The following REPS2 variants were observed in gnomAD, a reference collection of about 807,000 sequenced individuals.
REPS2 encodes the protein ralBP1-associated Eps domain-containing protein 2.
A neutral mutation model predicts 53.6 loss-of-function variants in REPS2; 23 were observed. The ratio of observed to expected loss-of-function variants is 0.43; its 90% CI spans 0.31 to 0.61. The LOEUF (loss-of-function observed/expected upper bound fraction) is 0.61, where lower values mean the gene tolerates loss of function less well. Ranked by LOEUF, REPS2 falls within the 20% of genes least tolerant of loss-of-function variation. The probability of loss-of-function intolerance (pLI) is 0.11; values close to 1 mark genes in which losing one functional copy is unlikely to be tolerated. For synonymous variants in REPS2, 238 were observed against 218.6 expected, an observed-to-expected ratio of 1.09 and a Z score of -0.78; for missense variants, 446 against 534.9, an observed-to-expected ratio of 0.83 and a Z score of 1.64.
chrX:17,016,032 T>C (rs770948690), intron 2 of REPS2, among the ~76,000 whole-genome samples: 1 of 111,732 alleles, frequency 8.9e-6, no homozygotes, highest in African/African-American at 3.3e-5. Flanking sequence ...CCACCAACAG[T>C]GTAAAAGTGT....
At chrX:17,081,040 TG>T (rs1245452492) in intron 13 of REPS2, among the ~76,000 whole-genome samples, 33 of 110,872 alleles carry the variant, frequency 3.0e-4, no homozygotes, top group Non-Finnish European at 9.4e-5. Flanking sequence ...ACAGACTGCC[TG>T]GGTCACCCTG....
At chrX:17,085,285 G>A (rs1055537839) in intron 13 of REPS2, among the ~76,000 whole-genome samples, 7 of 112,135 alleles carry the variant, frequency 6.2e-5, no homozygotes, top group African/African-American at 2.3e-4. Context: ...TAGATTTATA[G>A]TAAGTTTTGA....
At chrX:16,964,638 G>A (rs1187079421) in intron 1 of REPS2, among the ~76,000 whole-genome samples, 2 of 107,247 alleles carry the variant, frequency 1.9e-5, no homozygotes, top group Admixed American at 1.9e-4. Context: ...TCCCGGACGG[G>A]GCGGCTGGCC....
intron 1 of REPS2, among the ~76,000 whole-genome samples, chrX:16,974,667 A>G (rs920746735): frequency 9.0e-6 from 1 of 110,518 alleles, no homozygotes; most frequent in Non-Finnish European, 1.9e-5. Context: ...GGAACGTACC[A>G]AATTTGGGTT....
At chrX:17,004,439 A>G (rs1052602448) in intron 1 of REPS2, among the ~76,000 whole-genome samples, 2 of 104,057 alleles carry the variant, frequency 1.9e-5, no homozygotes, top group African/African-American at 7.1e-5. Context: ...TTGATTCAGA[A>G]GTCCATGTGT....
At chrX:17,077,517 T>G in intron 13 of REPS2, 110 bp downstream of exon 13, 2 of 815,024 alleles carry the variant, frequency 2.5e-6, no homozygotes. Context: ...CCTGGCAGTT[T>G]CGCATTCCGT....
intron 13 of REPS2, among the ~76,000 whole-genome samples, chrX:17,080,265 C>T (rs1325718081): frequency 9.4e-6 from 1 of 106,565 alleles, no homozygotes; most frequent in East Asian, 2.9e-4. Flanking sequence ...CACCACCCCA[C>T]GACCCCAGCC....
intron 1 of REPS2, among the ~76,000 whole-genome samples, chrX:16,984,440 C>T (rs187114103): frequency 2.7e-5 from 3 of 111,958 alleles, no homozygotes; most frequent in Non-Finnish European, 5.6e-5. Flanking sequence ...TTCTATTGGT[C>T]ACATACACAA....
intron 8 of REPS2, among the ~76,000 whole-genome samples, chrX:17,061,261 G>C (rs779790246): frequency 1.8e-5 from 2 of 112,158 alleles, no homozygotes; most frequent in Non-Finnish European, 3.8e-5. Flanking sequence ...ATGTATGCAT[G>C]TATGTATTTA....
rs546449224 is a variant in REPS2 at position 16,955,446 on chromosome X, G to T, written c.273+8312G>T. 5.4e-5 allele frequency among the ~76,000 whole-genome samples: 6 copies of T among 111,865 alleles called. No homozygotes were observed. In the South Asian group the frequency reaches 2.2e-3, roughly 42 times the overall value. On this transcript the variant is annotated intron_variant, in intron 1 of 17. Coordinates refer to ENST00000357277, the MANE Select transcript of REPS2 (RefSeq NM_004726.3). Reference sequence around the variant, plus strand: ...ATTATCTCCCAGTTTCTGTGGGTTCGGGAGTCTGGACATGGCTCAGTTGGG... The same window carrying T: ...ATTATCTCCCAGTTTCTGTGGGTTCTGGAGTCTGGACATGGCTCAGTTGGG...
chrX:16,997,104 C>T (rs777500314), intron 1 of REPS2, among the ~76,000 whole-genome samples: 138 of 112,240 alleles, frequency 1.2e-3, no homozygotes, highest in African/African-American at 4.0e-3. Context: ...AGTACATTTG[C>T]GTTCACCTGA....
the REPS2 span, among the ~76,000 whole-genome samples, chrX:17,193,825 C>T: frequency 6.7e-3 from 749 of 111,492 alleles, 5 homozygotes; most frequent in Non-Finnish European, 0.011. Flanking sequence ...CTCACTGTCA[C>T]CTATTTATTT....
intron 8 of REPS2, among the ~76,000 whole-genome samples, chrX:17,059,286 C>T (rs1466994445): frequency 9.5e-6 from 1 of 105,241 alleles, no homozygotes; most frequent in African/African-American, 3.5e-5. Context: ...CTGGACAACA[C>T]GCCCGGCCTA....
intron 14 of REPS2, among the ~76,000 whole-genome samples, chrX:17,133,449 T>TA (rs2063321415): frequency 8.9e-6 from 1 of 112,155 alleles, no homozygotes; most frequent in African/African-American, 3.3e-5. Flanking sequence ...TCAGTGTTTT[T>TA]AATGATGTTG....
intron 4 of REPS2, among the ~76,000 whole-genome samples, chrX:17,025,547 A>G (rs2061633166): frequency 8.9e-6 from 1 of 112,139 alleles, no homozygotes; most frequent in South Asian, 3.7e-4. Context: ...TTTATATAGT[A>G]ACTGCTTTAA....
intron 2 of REPS2, among the ~76,000 whole-genome samples, chrX:17,011,064 TG>T (rs1158600659): frequency 1.3e-4 from 1 of 7,480 alleles, no homozygotes; most frequent in Non-Finnish European, 2.6e-4. Context: ...AAACTGTGTG[TG>T]TGTGTGTGTG....
intron 13 of REPS2, chrX:17,100,162 C>T: frequency 3.1e-6 from 2 of 641,040 alleles, no homozygotes. Flanking sequence ...CTTCTGACTC[C>T]CATGTGTTGT....
intron 11 of REPS2, among the ~76,000 whole-genome samples, chrX:17,073,757 C>G (rs2062341407): frequency 9.4e-6 from 1 of 106,046 alleles, no homozygotes; most frequent in Non-Finnish European, 1.9e-5. Flanking sequence ...ACTAGACTAT[C>G]ATGATAGAAC....
At chrX:16,965,866 G>A (rs1423677829) in intron 1 of REPS2, among the ~76,000 whole-genome samples, 2 of 112,858 alleles carry the variant, frequency 1.8e-5, no homozygotes, top group Non-Finnish European at 3.8e-5. Flanking sequence ...CCGGCACCTC[G>A]GGAGGCCGAG....
Sources: allele counts gnomAD v4.1 joint callset (sites outside exome capture counted in the v4.1 genomes callset), GRCh38; gene constraint gnomAD v4.1.1; transcripts MANE v1.5; gene names NCBI Gene and HGNC (gene_info 2026-07-23, HGNC 2026-07-21).